Variants in GPC5 observed in about 807,000 individuals in gnomAD.
GPC5 encodes glypican-5.
A neutral mutation model predicts 53.9 loss-of-function variants in GPC5; 47 were observed. That is an observed-to-expected ratio of 0.87 (90% confidence interval 0.69 to 1.11). GPC5 has a LOEUF of 1.11. Ranked by LOEUF, GPC5 falls within the 50% of genes most tolerant of loss-of-function variation. The pLI, the probability that GPC5 is intolerant of heterozygous loss-of-function variation, is 0.00. For synonymous variants in GPC5, 286 were observed against 263.3 expected, an observed-to-expected ratio of 1.09 and a Z score of -0.84; for missense variants, 748 against 713.1, an observed-to-expected ratio of 1.05 and a Z score of -0.56.
chr13:92,446,118 T>A (rs942777843), intron 7 of GPC5, among the ~76,000 whole-genome samples: 3 of 152,148 alleles, frequency 2.0e-5, no homozygotes, highest in African/African-American at 7.2e-5. Flanking sequence ...TTTTAGTTTT[T>A]AAAATGTACA....
intron 6 of GPC5, among the ~76,000 whole-genome samples, chr13:92,137,407 C>A (rs1317078956): frequency 6.6e-6 from 1 of 152,160 alleles, no homozygotes; most frequent in Non-Finnish European, 1.5e-5. Context: ...AGAGTCAAGG[C>A]AGAGTGGGGA....
At chr13:92,195,804 G>T (rs912753143) in intron 7 of GPC5, among the ~76,000 whole-genome samples, 6 of 152,130 alleles carry the variant, frequency 3.9e-5, no homozygotes, top group Non-Finnish European at 7.4e-5. Flanking sequence ...AATTACTTAG[G>T]TTCATTTGTC....
intron 7 of GPC5, among the ~76,000 whole-genome samples, chr13:92,808,057 C>T (rs1034736821): frequency 3.3e-5 from 5 of 152,020 alleles, no homozygotes; most frequent in Non-Finnish European, 5.9e-5. Flanking sequence ...TTAGTTGGCA[C>T]CAACTCAGGG....
chr13:92,291,054 T>A (rs1295484317), intron 7 of GPC5, among the ~76,000 whole-genome samples: 2 of 152,078 alleles, frequency 1.3e-5, no homozygotes, highest in African/African-American at 4.8e-5. Flanking sequence ...TGTGCTCAAT[T>A]TCTCGCCGGG....
At chr13:92,447,491 A>G (rs950801495) in intron 7 of GPC5, 1 of 152,070 alleles carries the variant, frequency 6.6e-6, no homozygotes, top group Admixed American at 6.6e-5. Context: ...TAGTAGGGAT[A>G]TATTACTTGT....
At chr13:92,670,620 T>G (rs780436218) in intron 7 of GPC5, among the ~76,000 whole-genome samples, 15 of 152,158 alleles carry the variant, frequency 9.9e-5, no homozygotes, top group Admixed American at 7.9e-4. Context: ...AGTTGGTGTT[T>G]CCATGTGGGG....
chr13:92,567,266 T>G (rs1056217514), intron 7 of GPC5, among the ~76,000 whole-genome samples: 1 of 152,170 alleles, frequency 6.6e-6, no homozygotes, highest in African/African-American at 2.4e-5. Context: ...AAACCCATCA[T>G]CTTTACCCTG....
chr13:91,674,957 A>G (rs2035347317), intron 2 of GPC5, among the ~76,000 whole-genome samples: 1 of 151,720 alleles, frequency 6.6e-6, no homozygotes, highest in Non-Finnish European at 1.5e-5. Context: ...AAAATTTCTA[A>G]CCCTTATTTC....
chr13:91,565,522 A>T (rs547026584), intron 2 of GPC5, among the ~76,000 whole-genome samples: 1 of 152,300 alleles, frequency 6.6e-6, no homozygotes, highest in South Asian at 2.1e-4. Flanking sequence ...TTTGGGGAAG[A>T]GGCTGTTATT....
intron 7 of GPC5, among the ~76,000 whole-genome samples, chr13:92,204,399 AAT>A (rs1315895282): frequency 6.6e-6 from 1 of 152,200 alleles, no homozygotes; most frequent in Non-Finnish European, 1.5e-5. Flanking sequence ...TAACATTACA[AAT>A]ATTGATTAAT....
intron 5 of GPC5, among the ~76,000 whole-genome samples, chr13:91,855,315 T>C (rs747380489): frequency 6.6e-6 from 1 of 151,704 alleles, no homozygotes; most frequent in Non-Finnish European, 1.5e-5. Context: ...TAGTCATATC[T>C]AAGCAACGAA....
intron 7 of GPC5, among the ~76,000 whole-genome samples, chr13:92,511,490 T>G (rs1446123525): frequency 6.6e-6 from 1 of 152,212 alleles, no homozygotes; most frequent in Non-Finnish European, 1.5e-5. Context: ...TTTGCTAGGA[T>G]TTTTGCATTT....
At chr13:91,574,293 T>G (rs1036277994) in intron 2 of GPC5, among the ~76,000 whole-genome samples, 6 of 152,126 alleles carry the variant, frequency 3.9e-5, no homozygotes, top group African/African-American at 1.4e-4. Context: ...GACTTAAACT[T>G]TAGTCTTTGG....
intron 5 of GPC5, among the ~76,000 whole-genome samples, chr13:91,778,141 TAAA>T (rs2037740835): frequency 6.6e-6 from 1 of 152,140 alleles, no homozygotes; most frequent in African/African-American, 2.4e-5. Flanking sequence ...TCAGAATTCT[TAAA>T]AGAAGAAAAT....
chr13:92,160,816 C>T (rs1466115544), intron 7 of GPC5, among the ~76,000 whole-genome samples: 1 of 152,120 alleles, frequency 6.6e-6, no homozygotes, highest in Non-Finnish European at 1.5e-5. Flanking sequence ...TAAGAAGACG[C>T]AGCATGCCAT....
intron 7 of GPC5, among the ~76,000 whole-genome samples, chr13:92,316,033 C>A (rs979599073): frequency 6.6e-6 from 1 of 152,142 alleles, no homozygotes; most frequent in Non-Finnish European, 1.5e-5. Flanking sequence ...TAATTGACTA[C>A]AGGTCAGATA....
intron 4 of GPC5, among the ~76,000 whole-genome samples, chr13:91,740,153 T>A (rs1469016016): frequency 6.6e-6 from 1 of 152,184 alleles, no homozygotes; most frequent in East Asian, 1.9e-4. Context: ...ATGAGTTGCC[T>A]GCATACTGAT....
At chr13:92,045,780 A>C (rs1386341810) in intron 6 of GPC5, among the ~76,000 whole-genome samples, 2 of 152,198 alleles carry the variant, frequency 1.3e-5, no homozygotes, top group Non-Finnish European at 1.5e-5. Flanking sequence ...TAATAAAAGA[A>C]GGCTTCACGG....
At chr13:91,630,889 G>T (rs2034141563) in intron 2 of GPC5, among the ~76,000 whole-genome samples, 4 of 152,048 alleles carry the variant, frequency 2.6e-5, no homozygotes, top group Admixed American at 1.3e-4. Flanking sequence ...AACAATAAGA[G>T]ATATATGTTC....
Sources: gnomAD v4.1 joint callset for allele counts (sites outside exome capture counted in the v4.1 genomes callset) on GRCh38, gnomAD v4.1.1 for gene constraint, MANE v1.5 for transcripts, NCBI Gene and HGNC (gene_info 2026-07-23, HGNC 2026-07-21) for gene names.